LYRM4: variants seen among roughly 807,000 people sequenced by gnomAD.
The protein encoded by LYRM4 is LYR motif containing 4, also known as LYR motif-containing protein 4.
Under a neutral mutation model 11.7 loss-of-function variants are expected in LYRM4, and 9 were observed. That is an observed-to-expected ratio of 0.77 (90% CI 0.46 to 1.34). The LOEUF (loss-of-function observed/expected upper bound fraction) is 1.34, where lower values mean the gene tolerates loss of function less well. Among genes scored for constraint, LYRM4 ranks in the 40% most tolerant of loss-of-function variants. The probability of loss-of-function intolerance (pLI) is 0.00; values close to 1 mark genes in which losing one functional copy is unlikely to be tolerated. For missense variants in LYRM4, 133 were observed against 112.5 expected (o/e 1.18, Z -0.82); for synonymous variants, 42 against 40.4 (o/e 1.04, Z -0.15).
At chr6:5,250,678 C>T (rs1051880653) in intron 1 of LYRM4, among the ~76,000 whole-genome samples, 4 of 152,006 alleles carry the variant, frequency 2.6e-5, no homozygotes, top group Admixed American at 6.6e-5. Flanking sequence ...TGTAATACAG[C>T]GCCACAGGCT....
chr6:5,141,044 TG>T (rs1309797250), intron 2 of LYRM4, among the ~76,000 whole-genome samples: 1 of 152,250 alleles, frequency 6.6e-6, no homozygotes, highest in Non-Finnish European at 1.5e-5. Flanking sequence ...ATAATTATTC[TG>T]GATGTTCAGC....
chr6:5,048,290 G>GGTGTGTGT, the LYRM4 span, among the ~76,000 whole-genome samples: 7,828 of 139,958 alleles, frequency 0.056, 303 homozygotes, highest in East Asian at 0.21. Context: ...GACACTTTGT[G>GGTGTGTGT]GTGTGTGTGT....
At chr6:5,154,310 C>T (rs1003489439) in intron 2 of LYRM4, among the ~76,000 whole-genome samples, 2 of 152,178 alleles carry the variant, frequency 1.3e-5, no homozygotes, top group African/African-American at 4.8e-5. Flanking sequence ...CCATATAACA[C>T]CTGCAAACTG....
At chr6:5,210,604 T>C (rs1334137935) in intron 2 of LYRM4, among the ~76,000 whole-genome samples, 1 of 152,218 alleles carries the variant, frequency 6.6e-6, no homozygotes, top group African/African-American at 2.4e-5. Context: ...TTCATATTGT[T>C]GTGAAACATG....
rs1247459277 is a variant in LYRM4 at position 5,109,213 on chromosome 6, C to T, written c.*210G>A. On this transcript the variant is annotated 3_prime_UTR_variant, in exon 3 of 3. Transcript: ENST00000330636. ...CAGCACTATTCTGAACGAACTCCAG[C>T]TCTCCATTCTAACACTTGAACCAAG... 1.5e-5 allele frequency: 21 copies of T among 1,420,136 alleles called. No individual in the cohort carries two copies. Among genetic ancestry groups the T allele is most frequent in the Non-Finnish European group, 1.8e-5 (20 of 1,087,356 alleles). 88.0% of individuals were successfully genotyped at this position (1,420,136 alleles called of 1,614,324 possible).
At chr6:5,255,684 G>A (rs570624911) in intron 1 of LYRM4, among the ~76,000 whole-genome samples, 6 of 152,052 alleles carry the variant, frequency 3.9e-5, no homozygotes, top group South Asian at 2.1e-4. Context: ...AATAGCATCC[G>A]TAGCCACGAA....
intron 2 of LYRM4, among the ~76,000 whole-genome samples, chr6:5,180,284 G>T (rs1223673207): frequency 2.6e-5 from 4 of 152,208 alleles, no homozygotes; most frequent in Non-Finnish European, 4.4e-5. Context: ...GTACACCGTG[G>T]CAGGATTGAA....
intron 2 of LYRM4, among the ~76,000 whole-genome samples, chr6:5,120,334 C>T (rs1216345831): frequency 1.3e-5 from 2 of 152,152 alleles, no homozygotes; most frequent in Non-Finnish European, 2.9e-5. Context: ...GCAGAGGTTC[C>T]TATTGAGGTC....
intron 2 of LYRM4, among the ~76,000 whole-genome samples, chr6:5,165,287 T>A (rs796725286): frequency 2.6e-5 from 4 of 152,314 alleles, no homozygotes; most frequent in African/African-American, 9.6e-5. Flanking sequence ...GACACAAGTG[T>A]ATATCTGTGT....
At chr6:5,094,958 T>C in the LYRM4 span, among the ~76,000 whole-genome samples, 1 of 152,174 alleles carries the variant, frequency 6.6e-6, no homozygotes, top group African/African-American at 2.4e-5. Flanking sequence ...ATTTACTGTG[T>C]ATTTAAAAGT....
chr6:5,138,855 C>T, intron 2 of LYRM4: 2 of 709,264 alleles, frequency 2.8e-6, no homozygotes, highest in Non-Finnish European at 4.6e-6. Context: ...AGGTTAAAAG[C>T]TAGAAATGAG....
At position 5,260,753 on chromosome 6, in the gene LYRM4, A is replaced by G; in HGVS notation, c.-20T>C. On this transcript the variant is annotated 5_prime_UTR_variant, in exon 1 of 3. Coordinates refer to ENST00000330636, the MANE Select transcript of LYRM4 (RefSeq NM_020408.6). ...TGCCATTTTGGAAAGAAAAAAAAAT[A>G]AACGGGTCCTCTTCGCCGAGGTCCC... 6.5e-7 allele frequency: 1 copy of G among 1,541,988 alleles called. No homozygotes were observed. Among genetic ancestry groups the G allele is most frequent in the Non-Finnish European group, 8.7e-7 (1 of 1,146,708 alleles).
intron 2 of LYRM4, among the ~76,000 whole-genome samples, chr6:5,147,088 C>A (rs954617631): frequency 6.6e-6 from 1 of 152,140 alleles, no homozygotes; most frequent in Non-Finnish European, 1.5e-5. Flanking sequence ...TGGTACCAGG[C>A]CATTGGTATT....
intron 2 of LYRM4, among the ~76,000 whole-genome samples, chr6:5,209,370 T>C (rs1247128345): frequency 6.6e-6 from 1 of 152,236 alleles, no homozygotes; most frequent in African/African-American, 2.4e-5. Context: ...GTGCTGAGAT[T>C]ACAGGTGTGA....
intron 1 of LYRM4, among the ~76,000 whole-genome samples, chr6:5,236,782 T>TA (rs567524087): frequency 0.045 from 5,852 of 128,632 alleles, 340 homozygotes; most frequent in African/African-American, 0.14. Context: ...ACCCTGTCTC[T>TA]AAAAAAAAAA....
chr6:5,109,368 A>C lies in LYRM4; in HGVS notation c.*55T>G. 6.2e-7 allele frequency: 1 copy of C among 1,610,610 alleles called. No individual in the cohort carries two copies. Among genetic ancestry groups the C allele is most frequent in the African/African-American group, 1.3e-5 (1 of 74,964 alleles). Reference sequence around the variant, plus strand: ...TTTTGGGAGCCCCCATCTCAAACAGAGAGTGGATGCTGAAGGTGGTCCCTG... The same window carrying C: ...TTTTGGGAGCCCCCATCTCAAACAGCGAGTGGATGCTGAAGGTGGTCCCTG... On this transcript the variant is annotated 3_prime_UTR_variant, in exon 3 of 3. Coordinates refer to ENST00000330636, the MANE Select transcript of LYRM4 (RefSeq NM_020408.6).
At chr6:5,247,936 A>G (rs1764266921) in intron 1 of LYRM4, among the ~76,000 whole-genome samples, 1 of 152,236 alleles carries the variant, frequency 6.6e-6, no homozygotes, top group Non-Finnish European at 1.5e-5. Flanking sequence ...AATATACATA[A>G]AAACTGGATG....
intron 2 of LYRM4, among the ~76,000 whole-genome samples, chr6:5,109,965 G>A (rs118068303): frequency 2.2e-3 from 332 of 152,346 alleles, no homozygotes; most frequent in African/African-American, 5.9e-3. Flanking sequence ...GGCCCATCCC[G>A]GGTGGGGTCG....
At chr6:5,114,017 T>C (rs1199863006) in intron 2 of LYRM4, among the ~76,000 whole-genome samples, 2 of 152,256 alleles carry the variant, frequency 1.3e-5, no homozygotes, top group African/African-American at 4.8e-5. Context: ...TCTAGAAGTT[T>C]ACACTCTCCA....
Sources: gnomAD v4.1 joint callset for allele counts (sites outside exome capture counted in the v4.1 genomes callset) on GRCh38, gnomAD v4.1.1 for gene constraint, MANE v1.5 for transcripts, NCBI Gene and HGNC (gene_info 2026-07-23, HGNC 2026-07-21) for gene names.